Variants in KIAA0319L observed in about 807,000 individuals in gnomAD.
The protein encoded by KIAA0319L is dyslexia-associated protein KIAA0319-like protein.
A neutral mutation model predicts 120.1 loss-of-function variants in KIAA0319L; 55 were observed. That is an observed-to-expected ratio of 0.46 (90% CI 0.37 to 0.57). The LOEUF is 0.57. Ranked by LOEUF, KIAA0319L falls within the 20% of genes least tolerant of loss-of-function variation. The pLI is 0.00. For synonymous variants in KIAA0319L, 398 were observed against 471.9 expected (o/e 0.84, Z 2.03); for missense variants, 1,049 against 1,255.3 (o/e 0.84, Z 2.48).
At chr1:35,482,073 C>T (rs1029010826) in intron 3 of KIAA0319L, among the ~76,000 whole-genome samples, 2 of 152,060 alleles carry the variant, frequency 1.3e-5, no homozygotes, top group African/African-American at 4.8e-5. Flanking sequence ...ATCCACCTGC[C>T]TTGGCCTCCC....
rs368905748 is a variant in KIAA0319L, at chr1:35,434,882, C to A, written c.*12G>T. 14 of 1,610,144 alleles carry A rather than the reference C, an allele frequency of 8.7e-6. No homozygotes were observed. The highest frequency in any genetic ancestry group is 1.3e-5 in the African/African-American group (1 of 74,794). On this transcript the variant is annotated 3_prime_UTR_variant, in exon 21 of 21. Coordinates refer to ENST00000325722, the MANE Select transcript of KIAA0319L (RefSeq NM_024874.5). Reference sequence around the variant, plus strand: ...TGTGCTGGGCCCTGCCCTGAGGAGACAGACCAGGTGGCTACAGGATCTCCT... The same window carrying A: ...TGTGCTGGGCCCTGCCCTGAGGAGAAAGACCAGGTGGCTACAGGATCTCCT...
Position 35,506,521 on chromosome 1 carries a change from C to G in KIAA0319L, c.666+91G>C. 7.8e-7 allele frequency: 1 copy of G among 1,279,286 alleles called. No individual in the cohort carries two copies. Among genetic ancestry groups the G allele is most frequent in the Non-Finnish European group, 1.1e-6 (1 of 915,658 alleles). The allele number at this position is 1,279,286 out of a possible 1,614,324, so 79.2% of individuals were successfully genotyped here. A position where few individuals can be genotyped will look rare whatever the true frequency, so the allele number is the denominator to read the frequency against. ...ATATACACTCCTCAGCCTATGAGCA[C>G]TGCCCGCAAGCATCAGCTTCATTGC... On this transcript the variant is annotated intron_variant, in intron 3 of 20. Coordinates refer to ENST00000325722, the MANE Select transcript of KIAA0319L (RefSeq NM_024874.5). This position sits in a 1 kb window ranked among gnomAD's most constrained non-coding sequence, Gnocchi z 4.0.
At chr1:35,554,312 TAAA>T in intron 2 of KIAA0319L, 35 bp downstream of exon 2, 1 of 1,175,590 alleles carries the variant, frequency 8.5e-7, no homozygotes, top group Non-Finnish European at 1.1e-6. Context: ...TGCCCTTTTC[TAAA>T]AAAAAAAATC....
At chr1:35,460,907 T>C (rs948538833) in intron 8 of KIAA0319L, among the ~76,000 whole-genome samples, 2 of 152,224 alleles carry the variant, frequency 1.3e-5, no homozygotes, top group African/African-American at 2.4e-5. Context: ...ATGAGTACTT[T>C]GGCAATATTT....
At chr1:35,517,660 G>A (rs998462804) in intron 2 of KIAA0319L, among the ~76,000 whole-genome samples, 7 of 152,064 alleles carry the variant, frequency 4.6e-5, no homozygotes, top group African/African-American at 1.4e-4. Context: ...CATAGAAACA[G>A]ACAAAGATTT....
At chr1:35,497,325 C>A (rs1486355069) in intron 3 of KIAA0319L, among the ~76,000 whole-genome samples, 1 of 151,762 alleles carries the variant, frequency 6.6e-6, no homozygotes, top group East Asian at 1.9e-4. Context: ...GAATTGTATG[C>A]TTAAAAGGAA....
intron 9 of KIAA0319L, among the ~76,000 whole-genome samples, chr1:35,457,685 A>G (rs1422319262): frequency 6.6e-6 from 1 of 152,178 alleles, no homozygotes; most frequent in Non-Finnish European, 1.5e-5. Flanking sequence ...AGCATAGAAA[A>G]GACATGTAGT....
chr1:35,462,525 C>A lies in KIAA0319L; in HGVS notation c.1294+96G>T, dbSNP rs193170082. 6.0e-6 allele frequency: 6 copies of A among 1,001,708 alleles called. No individual in the cohort carries two copies. The South Asian group carries it at 8.3e-5, about 14-fold the overall frequency. 62.1% of individuals were successfully genotyped at this position (1,001,708 alleles called of 1,614,324 possible). A position where few individuals can be genotyped will look rare whatever the true frequency, so the allele number is the denominator to read the frequency against. On this transcript the variant is annotated intron_variant, in intron 8 of 20. Transcript: ENST00000325722. ...GTCAAGATGACTGGCCTAAACAGAA[C>A]GCAGACACAGCTGGCCCCAAATCTT...
intron 16 of KIAA0319L, among the ~76,000 whole-genome samples, chr1:35,446,924 G>A (rs192507553): frequency 6.6e-6 from 1 of 152,228 alleles, no homozygotes; most frequent in African/African-American, 2.4e-5. Context: ...GACGCAGCCA[G>A]TAAGACACCC....
At chr1:35,542,128 T>C (rs1480979563) in intron 2 of KIAA0319L, among the ~76,000 whole-genome samples, 1 of 152,224 alleles carries the variant, frequency 6.6e-6, no homozygotes, top group Non-Finnish European at 1.5e-5. Flanking sequence ...CATCTGGCGG[T>C]TAGACAAGAA....
intron 4 of KIAA0319L, among the ~76,000 whole-genome samples, chr1:35,477,968 G>A (rs943301430): frequency 6.6e-6 from 1 of 152,110 alleles, no homozygotes; most frequent in African/African-American, 2.4e-5. Context: ...TTGCAGCACT[G>A]TTCACAACAG....
chr1:35,533,731 C>T (rs1646462546), intron 2 of KIAA0319L, among the ~76,000 whole-genome samples: 1 of 152,214 alleles, frequency 6.6e-6, no homozygotes, highest in African/African-American at 2.4e-5. Context: ...CAATGGGTCT[C>T]AGCCAAGATG....
At chr1:35,503,909 A>G (rs1645104528) in intron 3 of KIAA0319L, among the ~76,000 whole-genome samples, 1 of 148,576 alleles carries the variant, frequency 6.7e-6, no homozygotes, top group Non-Finnish European at 1.5e-5. Flanking sequence ...TTTTTGAGAC[A>G]GAGTCTTGCT....
At chr1:35,456,925 A>G (rs1485396337) in intron 9 of KIAA0319L, among the ~76,000 whole-genome samples, 1 of 146,028 alleles carries the variant, frequency 6.8e-6, no homozygotes. Flanking sequence ...TGAAGGAAGG[A>G]AGGAAGGAAG....
intron 2 of KIAA0319L, chr1:35,509,777 A>G (rs1190798956): frequency 6.5e-6 from 1 of 152,992 alleles, no homozygotes; most frequent in Non-Finnish European, 1.5e-5. Context: ...TCGAATGGAG[A>G]TAACCTAATA....
chr1:35,477,986 T>C (rs1643975720), intron 4 of KIAA0319L, among the ~76,000 whole-genome samples: 2 of 152,162 alleles, frequency 1.3e-5, no homozygotes, highest in South Asian at 4.1e-4. Flanking sequence ...CAGCCAAACT[T>C]TGGAAGCAAC....
At chr1:35,449,438 T>C (rs1641881113) in intron 15 of KIAA0319L, among the ~76,000 whole-genome samples, 1 of 152,228 alleles carries the variant, frequency 6.6e-6, no homozygotes, top group African/African-American at 2.4e-5. Context: ...AGGCTCAACT[T>C]ATAAAAATAA....
chr1:35,484,858 G>T (rs1426348836), intron 3 of KIAA0319L, among the ~76,000 whole-genome samples: 10 of 139,858 alleles, frequency 7.2e-5, no homozygotes, highest in Admixed American at 3.0e-4. Context: ...ACATTGTGCA[G>T]GTTAGTTACA....
intron 6 of KIAA0319L, among the ~76,000 whole-genome samples, chr1:35,467,449 T>C (rs1319673516): frequency 6.6e-6 from 1 of 152,270 alleles, no homozygotes; most frequent in East Asian, 1.9e-4. Flanking sequence ...TGACCACATA[T>C]TAAAATAATA....
Sources: gnomAD v4.1 joint callset for allele counts (sites outside exome capture counted in the v4.1 genomes callset) on GRCh38, gnomAD v4.1.1 for gene constraint, Gnocchi (gnomAD v3.1) non-coding constraint, MANE v1.5 for transcripts, NCBI Gene and HGNC (gene_info 2026-07-23, HGNC 2026-07-21) for gene names.